The following BBS9 variants were observed in gnomAD, a reference collection of about 807,000 sequenced individuals.
The protein encoded by BBS9 is protein PTHB1.
A neutral mutation model predicts 117.7 loss-of-function variants in BBS9; 89 were observed. The observed-to-expected ratio is 0.76, with a 90% CI of 0.64 to 0.90. The LOEUF (loss-of-function observed/expected upper bound fraction) is 0.90, where lower values mean the gene tolerates loss of function less well. BBS9 is among the 40% of genes least tolerant of loss of function. BBS9 has a pLI of 0.00. For missense variants in BBS9, 982 were observed against 1,042.2 expected, an observed-to-expected ratio of 0.94 and a Z score of 0.80; for synonymous variants, 379 against 370.9, an observed-to-expected ratio of 1.02 and a Z score of -0.25.
intron 4 of BBS9, among the ~76,000 whole-genome samples, chr7:33,159,704 C>A (rs1034182364): frequency 6.6e-6 from 1 of 152,148 alleles, no homozygotes; most frequent in African/African-American, 2.4e-5. Flanking sequence ...GTTACAGTGC[C>A]CTCATGGTCA....
At chr7:33,162,634 T>A (rs1795036148) in intron 4 of BBS9, among the ~76,000 whole-genome samples, 1 of 152,160 alleles carries the variant, frequency 6.6e-6, no homozygotes. Flanking sequence ...TCTGTTTGTC[T>A]GTTGTTGATG....
chr7:33,511,330 T>G (rs576463751), intron 20 of BBS9, among the ~76,000 whole-genome samples: 2 of 152,282 alleles, frequency 1.3e-5, no homozygotes, highest in African/African-American at 4.8e-5. Context: ...TTTTGATATT[T>G]CCAAAACTGC....
At chr7:33,281,663 A>G (rs961890549) in intron 9 of BBS9, among the ~76,000 whole-genome samples, 10 of 151,934 alleles carry the variant, frequency 6.6e-5, no homozygotes, top group Admixed American at 5.2e-4. Context: ...GGTGTGAGCC[A>G]TTGTGTCTGG....
chr7:33,615,547 GA>G (rs999974126), intron 21 of BBS9, among the ~76,000 whole-genome samples: 4 of 148,926 alleles, frequency 2.7e-5, no homozygotes, highest in East Asian at 2.0e-4. Flanking sequence ...GAAAAGCAAA[GA>G]AAAAAAAATA....
chr7:33,306,007 T>C (rs1209328735), intron 9 of BBS9, among the ~76,000 whole-genome samples: 3 of 152,184 alleles, frequency 2.0e-5, no homozygotes, highest in South Asian at 2.1e-4. Context: ...TTTGAGGTTT[T>C]TCTACTTTTT....
At chr7:33,617,408 G>T (rs1274284142) in intron 21 of BBS9, among the ~76,000 whole-genome samples, 1 of 147,848 alleles carries the variant, frequency 6.8e-6, no homozygotes, top group South Asian at 2.1e-4. Context: ...TGATAAAGAG[G>T]TCAGTTCTCT....
intron 19 of BBS9, among the ~76,000 whole-genome samples, chr7:33,426,695 A>G (rs929742058): frequency 2.0e-5 from 3 of 152,080 alleles, no homozygotes; most frequent in Non-Finnish European, 4.4e-5. Context: ...TTTTTAAAAA[A>G]CTATGTTTAC....
intron 20 of BBS9, among the ~76,000 whole-genome samples, chr7:33,506,612 GT>G (rs1846189750): frequency 6.6e-6 from 1 of 152,024 alleles, no homozygotes; most frequent in East Asian, 1.9e-4. Context: ...AACTCTTTCT[GT>G]CTGCCTATAT....
intron 5 of BBS9, among the ~76,000 whole-genome samples, chr7:33,183,946 T>A (rs1053708577): frequency 6.6e-6 from 1 of 152,206 alleles, no homozygotes; most frequent in African/African-American, 2.4e-5. Flanking sequence ...AAGGTACTCC[T>A]CTTTATGACA....
At chr7:33,146,014 A>C (rs1172048977) in intron 1 of BBS9, among the ~76,000 whole-genome samples, 1 of 152,244 alleles carries the variant, frequency 6.6e-6, no homozygotes, top group Non-Finnish European at 1.5e-5. Context: ...GAGAATTAGC[A>C]CAACATAAAT....
intron 9 of BBS9, among the ~76,000 whole-genome samples, chr7:33,321,673 A>G (rs921259557): frequency 2.0e-5 from 3 of 151,940 alleles, no homozygotes; most frequent in Non-Finnish European, 4.4e-5. Context: ...AACAAGGGCA[A>G]TTTACCTTCT....
At chr7:33,622,563 A>G (rs542971003) in intron 21 of BBS9, among the ~76,000 whole-genome samples, 1 of 152,334 alleles carries the variant, frequency 6.6e-6, no homozygotes, top group Admixed American at 6.5e-5. Flanking sequence ...CCGTAAATAT[A>G]TACAATTTTT....
chr7:33,594,100 T>A (rs1312987168), intron 21 of BBS9, among the ~76,000 whole-genome samples: 1 of 152,142 alleles, frequency 6.6e-6, no homozygotes, highest in Non-Finnish European at 1.5e-5. Flanking sequence ...GGAGCCCTTA[T>A]ACCCTAAGGG....
rs1406188478 is a variant in BBS9 at position 33,273,895 on chromosome 7, A to G, written c.955A>G (p.Thr319Ala). The G allele has an allele frequency of 6.2e-7, 1 of 1,612,466 alleles. No homozygotes were observed. Among genetic ancestry groups the G allele is most frequent in the Non-Finnish European group, 8.5e-7 (1 of 1,178,718 alleles). Residue 319 changes from threonine (T) to alanine (A), a missense_variant, in exon 9 of 23, where the codon ACA becomes GCA. Physicochemically the swap from Thr to Ala is moderately conservative, Grantham distance 58. Coordinates refer to ENST00000242067, the MANE Select transcript of BBS9 (RefSeq NM_198428.3). ...NNMLHIYQDVTLKWATQLPHI... is the reference protein window; with the variant it reads ...NNMLHIYQDVALKWATQLPHI... ...CATGCTGCATATTTATCAAGATGTG[A>G]CACTGAAGTGGGCCACCCAACTTCC...
At chr7:33,205,833 A>T (rs1435623651) in intron 5 of BBS9, among the ~76,000 whole-genome samples, 2 of 152,162 alleles carry the variant, frequency 1.3e-5, no homozygotes, top group East Asian at 3.8e-4. Context: ...TTTGATGGAC[A>T]TCTCTGGTCA....
chr7:33,161,810 A>G (rs148566825), intron 4 of BBS9, among the ~76,000 whole-genome samples: 2,067 of 152,288 alleles, frequency 0.014, 56 homozygotes, highest in African/African-American at 0.048. Flanking sequence ...AATGATTGCC[A>G]TTCTAACTGA....
intron 11 of BBS9, among the ~76,000 whole-genome samples, chr7:33,344,349 G>A (rs1191357383): frequency 1.3e-5 from 2 of 152,026 alleles, no homozygotes; most frequent in African/African-American, 2.4e-5. Context: ...GATTACAGGC[G>A]TGAGCCACCG....
intron 21 of BBS9, among the ~76,000 whole-genome samples, chr7:33,592,991 G>A (rs900265930): frequency 5.3e-5 from 8 of 152,074 alleles, no homozygotes; most frequent in Non-Finnish European, 1.2e-4. Context: ...ATTTGTGCAT[G>A]TGTACTTTTG....
In BBS9 at chr7:33,351,318, C is replaced by G. The variant is rs965817527; in HGVS notation, c.1532C>G (p.Pro511Arg). The G allele has an allele frequency of 7.5e-6, 12 of 1,596,856 alleles. No individual in the cohort carries two copies. In the African/African-American group the frequency reaches 1.6e-4, roughly 21 times the overall value. ...EGNAVVSYSR[P>R]TDRNPDGIPR... is the part of the protein sequence containing the mutation. ...AATGCTGTTGTTTCTTATTCCAGAC[C>G]AACAGGTAAACATACAGGCTTAATC... Residue 511 changes from proline (P) to arginine (R), a missense_variant, in exon 14 of 23, where the codon CCA becomes CGA. By Grantham distance (103) the Pro-to-Arg change is moderately radical (BLOSUM62 -2). Transcript: ENST00000242067.
Sources: allele counts gnomAD v4.1 joint callset (sites outside exome capture counted in the v4.1 genomes callset), GRCh38; gene constraint gnomAD v4.1.1; transcripts MANE v1.5; gene names NCBI Gene and HGNC (gene_info 2026-07-23, HGNC 2026-07-21).